The following GPM6A variants were observed in gnomAD, a reference collection of about 807,000 sequenced individuals.
The protein encoded by GPM6A is glycoprotein M6A.
A neutral mutation model predicts 32.1 loss-of-function variants in GPM6A; 7 were observed. The observed-to-expected ratio is 0.22, with a 90% CI of 0.12 to 0.41. The LOEUF (loss-of-function observed/expected upper bound fraction) is 0.41, where lower values mean the gene tolerates loss of function less well. Ranked by LOEUF, GPM6A falls within the 10% of genes least tolerant of loss-of-function variation. GPM6A has a pLI of 1.00. For missense variants in GPM6A, 235 were observed against 347.2 expected (o/e 0.68, Z 2.57); for synonymous variants, 130 against 123.4 (o/e 1.05, Z -0.35).
chr4:175,647,891 G>T (rs1244440039), intron 4 of GPM6A, among the ~76,000 whole-genome samples: 3 of 152,108 alleles, frequency 2.0e-5, no homozygotes, highest in African/African-American at 7.2e-5. Context: ...TACAGCAATA[G>T]ATTTTATATT....
At chr4:175,782,833 C>T (rs983043199) in intron 1 of GPM6A, among the ~76,000 whole-genome samples, 17 of 151,804 alleles carry the variant, frequency 1.1e-4, no homozygotes, top group African/African-American at 3.9e-4. Context: ...ACGATGTTAC[C>T]GTTTGAACTA....
In GPM6A at chr4:175,711,215, G is replaced by T. The variant is rs1346180238; in HGVS notation, c.38-9448C>A. The stretch of plus-strand genomic sequence containing the variant: ...CTTCAATTGTTTGGGAACAAAAAAG[G>T]TTTTCTTGCTATTTAATCTACCATA... On this transcript the variant is annotated intron_variant, in intron 1 of 6. Transcript: ENST00000393658. Among the ~76,000 whole-genome samples the T allele has an allele frequency of 2.6e-5, 4 of 151,478 alleles. 1 individual carries two copies. In the East Asian group the frequency reaches 5.8e-4, roughly 22 times the overall value.
At chr4:175,673,971 A>C in intron 2 of GPM6A, 135 bp from the exon 3 acceptor site, 1 of 600,354 alleles carries the variant, frequency 1.7e-6, no homozygotes, top group Non-Finnish European at 2.7e-6. Context: ...GTTGGATTTA[A>C]AAACATGTTT....
intron 1 of GPM6A, among the ~76,000 whole-genome samples, chr4:175,964,856 A>G (rs1306558658): frequency 2.0e-5 from 3 of 152,178 alleles, no homozygotes; most frequent in African/African-American, 7.2e-5. Context: ...ATAATGATAA[A>G]GGAGTCAATT....
intron 6 of GPM6A, among the ~76,000 whole-genome samples, chr4:175,637,717 AT>A (rs1192318139): frequency 2.4e-5 from 2 of 83,112 alleles, no homozygotes; most frequent in East Asian, 6.0e-4. Flanking sequence ...ATATATATTT[AT>A]ATATAATATA....
chr4:175,729,680 C>T (rs900482034), intron 1 of GPM6A, among the ~76,000 whole-genome samples: 1 of 150,218 alleles, frequency 6.7e-6, no homozygotes, highest in African/African-American at 2.4e-5. Flanking sequence ...CCATTGCATG[C>T]CTGCATCAAA....
At chr4:175,891,273 A>G (rs1737639956) in intron 1 of GPM6A, among the ~76,000 whole-genome samples, 2 of 152,212 alleles carry the variant, frequency 1.3e-5, no homozygotes, top group African/African-American at 4.8e-5. Context: ...TCTCTACTGA[A>G]TGTCATTTCC....
chr4:175,651,284 A>G (rs973471530), intron 4 of GPM6A, among the ~76,000 whole-genome samples: 4 of 152,224 alleles, frequency 2.6e-5, no homozygotes, highest in Admixed American at 6.5e-5. Flanking sequence ...GTAAATCCAT[A>G]TACATATGAG....
At chr4:175,818,156 T>C (rs1291634791) in intron 1 of GPM6A, among the ~76,000 whole-genome samples, 1 of 152,160 alleles carries the variant, frequency 6.6e-6, no homozygotes, top group East Asian at 1.9e-4. Flanking sequence ...CTGGAAAGAT[T>C]GGACATGACC....
At chr4:175,893,379 T>G (rs1737703965) in intron 1 of GPM6A, among the ~76,000 whole-genome samples, 1 of 152,230 alleles carries the variant, frequency 6.6e-6, no homozygotes, top group South Asian at 2.1e-4. Context: ...TGAAGTAGCC[T>G]CTACAACTTA....
intron 1 of GPM6A, among the ~76,000 whole-genome samples, chr4:175,936,338 T>TAAAA (rs1739233710): frequency 1.0e-5 from 1 of 97,846 alleles, no homozygotes; most frequent in Non-Finnish European, 2.1e-5. Flanking sequence ...AAAAAAAAAC[T>TAAAA]ATACATTCCT....
chr4:175,656,397 CAG>C (rs1742086861), intron 3 of GPM6A, among the ~76,000 whole-genome samples: 1 of 152,082 alleles, frequency 6.6e-6, no homozygotes, highest in African/African-American at 2.4e-5. Context: ...TGTTTTTACT[CAG>C]TATAAATTTC....
At chr4:175,841,467 T>C (rs981074741) in intron 1 of GPM6A, among the ~76,000 whole-genome samples, 1 of 152,136 alleles carries the variant, frequency 6.6e-6, no homozygotes, top group African/African-American at 2.4e-5. Flanking sequence ...AAATAAAGAT[T>C]AGTGTTTTTA....
intron 1 of GPM6A, among the ~76,000 whole-genome samples, chr4:175,736,740 A>G (rs958428423): frequency 6.6e-6 from 1 of 152,240 alleles, no homozygotes; most frequent in Non-Finnish European, 1.5e-5. Flanking sequence ...ATAAAAACAA[A>G]TCTTAATATA....
At chr4:175,733,003 G>A (rs942662980) in intron 1 of GPM6A, among the ~76,000 whole-genome samples, 4 of 152,132 alleles carry the variant, frequency 2.6e-5, no homozygotes, top group African/African-American at 4.8e-5. Flanking sequence ...CACAACCACC[G>A]AGTGTGGGAC....
intron 1 of GPM6A, among the ~76,000 whole-genome samples, chr4:175,801,548 G>A (rs1381680919): frequency 6.6e-6 from 1 of 152,044 alleles, no homozygotes; most frequent in Non-Finnish European, 1.5e-5. Context: ...CAGTTAATAG[G>A]AGAGAATTTT....
At chr4:175,919,208 C>T (rs1467365545) in intron 1 of GPM6A, among the ~76,000 whole-genome samples, 2 of 152,034 alleles carry the variant, frequency 1.3e-5, no homozygotes, top group African/African-American at 4.8e-5. Context: ...TTCCCCTTCT[C>T]ATGACTTTTC....
chr4:175,924,606 G>A (rs541602772), intron 1 of GPM6A, among the ~76,000 whole-genome samples: 6 of 152,230 alleles, frequency 3.9e-5, no homozygotes, highest in East Asian at 1.9e-4. Context: ...TTGGGAGGCC[G>A]AGGCACACGG....
intron 1 of GPM6A, among the ~76,000 whole-genome samples, chr4:175,854,720 C>T (rs1736364785): frequency 6.6e-6 from 1 of 152,188 alleles, no homozygotes; most frequent in East Asian, 1.9e-4. Context: ...GAGACCTAGA[C>T]AGCAGCAGTT....
Sources: gnomAD v4.1 joint callset for allele counts (sites outside exome capture counted in the v4.1 genomes callset) on GRCh38, gnomAD v4.1.1 for gene constraint, MANE v1.5 for transcripts, NCBI Gene and HGNC (gene_info 2026-07-23, HGNC 2026-07-21) for gene names.